STAP2: variants seen among roughly 807,000 people sequenced by gnomAD.
STAP2 encodes the protein signal-transducing adaptor protein 2.
STAP2 carries 58 observed loss-of-function variants against 52.7 expected under a neutral mutation model. The observed-to-expected ratio is 1.10, with a 90% CI of 0.89 to 1.37. STAP2 has a LOEUF of 1.37. Among genes scored for constraint, STAP2 ranks in the 40% most tolerant of loss-of-function variants. The probability of loss-of-function intolerance (pLI) is 0.00; values close to 1 mark genes in which losing one functional copy is unlikely to be tolerated. For missense variants in STAP2, 522 were observed against 519.4 expected, an observed-to-expected ratio of 1.00 and a Z score of -0.05; for synonymous variants, 231 against 210.5, an observed-to-expected ratio of 1.10 and a Z score of -0.84.
chr19:4,331,995 G>A, intron 4 of STAP2, 27 bp downstream of exon 4: 1 of 1,600,098 alleles, frequency 6.2e-7, no homozygotes, highest in Non-Finnish European at 8.5e-7. Context: ...GAATGGGAGA[G>A]AGGGCGCAGA....
At chr19:4,333,615 T>G (rs778050456) in intron 3 of STAP2, 79 bp downstream of exon 3, 10 of 1,513,792 alleles carry the variant, frequency 6.6e-6, no homozygotes, top group Non-Finnish European at 8.8e-6. Flanking sequence ...CCCTTCGTGG[T>G]TGGCACAATG....
rs78620267 is a variant in STAP2 at position 4,325,550 on chromosome 19, T to C, written c.830-5A>G. ...CACCTGTGCAGGGTGCAGGACCTGA[T>C]GGGGAAACGTGGTCACTGTCAAGAC... is the stretch of plus-strand genomic sequence containing the variant. On this transcript the variant is annotated splice_region_variant and splice_polypyrimidine_tract_variant and intron_variant, in intron 9 of 12. Transcript: ENST00000594605. The C allele has an allele frequency of 6.4e-7, 1 of 1,567,012 alleles. No homozygotes were observed. Among genetic ancestry groups the C allele is most frequent in the Non-Finnish European group, 8.6e-7 (1 of 1,159,428 alleles).
chr19:4,328,491 ACTCCTCCCCCAATC>A (rs1376607400), intron 6 of STAP2, among the ~76,000 whole-genome samples, 170 bp downstream of exon 6: 7 of 74,350 alleles, frequency 9.4e-5, no homozygotes, highest in Non-Finnish European at 1.8e-4. Flanking sequence ...CTCAGCTCTG[ACTCCTCCCCCAATC>A]CGCCCAGCTC....
At chr19:4,332,326 G>A (rs1971907202) in intron 3 of STAP2, among the ~76,000 whole-genome samples, 1 of 144,294 alleles carries the variant, frequency 6.9e-6, no homozygotes, top group Non-Finnish European at 1.5e-5. Context: ...TCCTGCCTCA[G>A]CCTCCTGAGT....
chr19:4,325,541 A>C lies in STAP2; in HGVS notation c.834T>G (p.Pro278=). ...GCTTGGGGCCACCTGTGCAGGGTGC[A>C]GGACCTGATGGGGAAACGTGGTCAC... ...WVAPSAPGPG[P]APCTGGPKPL... The change falls in exon 10 of 13, where the codon CCT becomes CCG. Residue 278 remains proline, a synonymous_variant. Transcript: ENST00000594605. The C allele has an allele frequency of 1.3e-6, 2 of 1,581,874 alleles. No individual in the cohort carries two copies. The highest frequency in any genetic ancestry group is 1.7e-6 in the Non-Finnish European group (2 of 1,165,596).
Position 4,332,042 on chromosome 19 carries a change from A to G in STAP2, c.334T>C (p.Phe112Leu). 6.2e-7 allele frequency: 1 copy of G among 1,613,344 alleles called. No individual in the cohort carries two copies. The highest frequency in any genetic ancestry group is 1.1e-5 in the South Asian group (1 of 90,898). ...TLECREMWKG[F>L]ILTVVELRVP... The stretch of plus-strand genomic sequence containing the variant: ...CTTACCTCCACCACCGTTAAGATGA[A>G]GCCTTTCCACATTTCCCGACACTCC... The change falls in exon 4 of 13, where the codon TTC (phenylalanine) becomes CTC (leucine). Residue 112 changes from phenylalanine to leucine, a missense_variant. Transcript: ENST00000594605.
intron 1 of STAP2, among the ~76,000 whole-genome samples, chr19:4,336,349 C>G (rs1383824643): frequency 8.7e-6 from 1 of 114,720 alleles, no homozygotes; most frequent in Non-Finnish European, 1.7e-5. Context: ...GACAGAGTCT[C>G]ACTCTGTCAC....
chr19:4,332,187 C>CT, intron 3 of STAP2, 109 bp from the exon 4 acceptor site: 6 of 344,304 alleles, frequency 1.7e-5, no homozygotes, highest in Admixed American at 7.3e-5. Flanking sequence ...TTTCTTTTTT[C>CT]TTTTTCTTCT....
In STAP2 at chr19:4,327,137, G is replaced by C. The variant is rs1335593300; in HGVS notation, c.750C>G (p.Tyr250Ter). 1.3e-5 allele frequency: 21 copies of C among 1,614,086 alleles called. No homozygotes were observed. The highest frequency in any genetic ancestry group is 1.8e-5 in the Non-Finnish European group (21 of 1,180,040). ...ALVPFLLDED[Y>*]EKVLGYVEAD... ...AGGGGCACCCACCTAGCACCTTCTC[G>C]TAGTCCTCGTCTAACAGGAATGGCA... Residue 250 changes from tyrosine (Y) to a stop codon, truncating the protein, a stop_gained, in exon 8 of 13, where the codon TAC becomes TAG. Coordinates refer to ENST00000594605, the MANE Select transcript of STAP2 (RefSeq NM_001013841.2). LOFTEE classifies it high-confidence loss of function.
In STAP2 at chr19:4,333,720, GA is replaced by G; in HGVS notation, c.270del (p.Leu91SerfsTer10). The G allele has an allele frequency of 6.2e-7, 1 of 1,612,858 alleles. No homozygotes were observed. The highest frequency in any genetic ancestry group is 1.1e-5 in the South Asian group (1 of 91,000). ...TTGAACTTGATCTCCTGATCCCGGA[GA>G]ATCAGGCTGAAGTGGGTGCCAGGGT... ...SRDPGTHFSL[I>X]LRDQEIKFKV... On this transcript the variant is annotated frameshift_variant, in exon 3 of 13. Coordinates refer to ENST00000594605, the MANE Select transcript of STAP2 (RefSeq NM_001013841.2). LOFTEE classifies it high-confidence loss of function.
chr19:4,338,564 C>CA, intron 1 of STAP2, 88 bp downstream of exon 1: 11 of 857,326 alleles, frequency 1.3e-5, no homozygotes, highest in African/African-American at 1.8e-5. Flanking sequence ...CCCGCCCCCC[C>CA]TTGGCGAGTG....
chr19:4,334,794 CCATCCATCCCTCCAT>C (rs1568388552), intron 1 of STAP2, among the ~76,000 whole-genome samples: 6 of 149,938 alleles, frequency 4.0e-5, no homozygotes, highest in East Asian at 2.0e-4. Context: ...GTCCACCCAT[CCATCCATCCCTCCAT>C]CATCCATCCA....
At chr19:4,338,580 A>T in intron 1 of STAP2, 72 bp downstream of exon 1, 5 of 536,200 alleles carry the variant, frequency 9.3e-6, no homozygotes, top group East Asian at 6.6e-5. Flanking sequence ...GAGTGGGGAG[A>T]CAGGGACTCA....
At chr19:4,338,585 GACTCAGAGA>G in intron 1 of STAP2, 58 bp downstream of exon 1, 2 of 1,315,648 alleles carry the variant, frequency 1.5e-6, no homozygotes, top group African/African-American at 1.5e-5. Flanking sequence ...GGGAGACAGG[GACTCAGAGA>G]GGTGCCGCAG....
rs555336996 is a variant in STAP2, at chr19:4,324,295, G to A, written c.1148-98C>T. Reference sequence around the variant, plus strand: ...CCAGGACCAGCTACAGATTTGCAGGGCCCCGTGCAACAGGACAGTGTGCTC... The same window carrying A: ...CCAGGACCAGCTACAGATTTGCAGGACCCCGTGCAACAGGACAGTGTGCTC... On this transcript the variant is annotated intron_variant, in intron 12 of 12. Transcript: ENST00000594605. The A allele has an allele frequency of 1.6e-5, 22 of 1,375,060 alleles. No individual in the cohort carries two copies. The East Asian group carries it at 5.2e-4, about 33-fold the overall frequency. 85.2% of individuals were successfully genotyped at this position (1,375,060 alleles called of 1,614,324 possible).
intron 1 of STAP2, among the ~76,000 whole-genome samples, chr19:4,336,506 G>A (rs1428284065): frequency 6.8e-6 from 1 of 147,236 alleles, no homozygotes; most frequent in Admixed American, 6.8e-5. Flanking sequence ...GTAGAGATGG[G>A]GTTTCATCAT....
Position 4,328,715 on chromosome 19 carries a change from C to T in STAP2, c.550G>A (p.Ala184Thr), listed in dbSNP as rs752401379. The T allele has an allele frequency of 6.2e-7, 1 of 1,607,090 alleles. No individual in the cohort carries two copies. The highest frequency in any genetic ancestry group is 1.1e-5 in the South Asian group (1 of 90,152). The change falls in exon 6 of 13, where the codon GCC becomes ACC. Residue 184 changes from alanine to threonine, a missense_variant. Coordinates refer to ENST00000594605, the MANE Select transcript of STAP2 (RefSeq NM_001013841.2). ...NLLLRPSGDGADGVSVTTRQM... is the reference protein window; with the variant it reads ...NLLLRPSGDGTDGVSVTTRQM... ...CGCGTGGTGACCGACACGCCGTCGG[C>T]GCCGTCCCCGCTGGGCCGCAGCAGC...
rs766982441 is a variant in STAP2 at position 4,326,990 on chromosome 19, T to C, written c.781A>G (p.Lys261Glu). 1.3e-5 allele frequency: 21 copies of C among 1,555,868 alleles called. No homozygotes were observed. The Middle Eastern group carries it at 5.0e-4, about 37-fold the overall frequency. ...EKVLGYVEAD[K>E]ENGENVWVAP... Reference sequence around the variant, plus strand: ...ACCCACACATTCTCGCCATTCTCCTTATCGGCTTCCACGTAGCCTGGAACA... The same window carrying C: ...ACCCACACATTCTCGCCATTCTCCTCATCGGCTTCCACGTAGCCTGGAACA... Residue 261 changes from lysine (K) to glutamate (E), a missense_variant, in exon 9 of 13, where the codon AAG (lysine) becomes GAG (glutamate). Transcript: ENST00000594605.
In STAP2 at chr19:4,327,452, C is replaced by T. The variant is rs559975671; in HGVS notation, c.591-67G>A. 144 of 1,553,500 alleles carry T rather than the reference C, an allele frequency of 9.3e-5. No homozygotes were observed. The African/African-American group carries it at 1.7e-3, about 18-fold the overall frequency. ...CCACACCGCCCCTCAGGGAAGGCCC[C>T]GCCCCAACTCCAGGCTCCGCCTCCA... On this transcript the variant is annotated intron_variant, in intron 6 of 12. Transcript: ENST00000594605.
Sources: gnomAD v4.1 joint callset for allele counts (sites outside exome capture counted in the v4.1 genomes callset) on GRCh38, gnomAD v4.1.1 for gene constraint, MANE v1.5 for transcripts, NCBI Gene and HGNC (gene_info 2026-07-23, HGNC 2026-07-21) for gene names.